XKR4: variants seen among roughly 807,000 people sequenced by gnomAD.
XKR4 encodes the protein XK-related protein 4.
In XKR4, 12 loss-of-function variants were observed where a neutral mutation model predicts 53.9. The observed-to-expected ratio is 0.22, with a 90% CI of 0.14 to 0.36. The LOEUF (loss-of-function observed/expected upper bound fraction) is 0.36, where lower values mean the gene tolerates loss of function less well. Ranked by LOEUF, XKR4 falls within the 10% of genes least tolerant of loss-of-function variation. XKR4 has a pLI of 1.00. For missense variants in XKR4, 799 were observed against 859.5 expected, an observed-to-expected ratio of 0.93 and a Z score of 0.88; for synonymous variants, 354 against 362.4, an observed-to-expected ratio of 0.98 and a Z score of 0.26.
Position 55,338,456 on chromosome 8 carries a change from G to T in XKR4, c.807-19222G>T, listed in dbSNP as rs79184673. 8.8e-3 allele frequency among the ~76,000 whole-genome samples: 1,345 copies of T among 152,296 alleles called. 7 individuals are homozygous for T. Among genetic ancestry groups the T allele is most frequent in the Middle Eastern group, 0.027 (8 of 294 alleles). On this transcript the variant is annotated intron_variant, in intron 1 of 2. Transcript: ENST00000327381. ...ATGGCAAGCTGGTCACCACTGTGGG[G>T]CATGGGAGCTGGACACATGGAGACA...
intron 2 of XKR4, among the ~76,000 whole-genome samples, chr8:55,514,441 G>A (rs1806682577): frequency 6.6e-6 from 1 of 151,988 alleles, no homozygotes; most frequent in African/African-American, 2.4e-5. Context: ...ATTTTTAATA[G>A]AGACGGGGTT....
intron 2 of XKR4, among the ~76,000 whole-genome samples, chr8:55,476,077 A>C (rs1353413703): frequency 6.6e-6 from 1 of 152,052 alleles, no homozygotes; most frequent in Non-Finnish European, 1.5e-5. Context: ...TAGTTCACTT[A>C]GGGTACTTGA....
At chr8:55,368,906 A>G (rs1037438275) in intron 2 of XKR4, among the ~76,000 whole-genome samples, 1 of 152,228 alleles carries the variant, frequency 6.6e-6, no homozygotes, top group Non-Finnish European at 1.5e-5. Context: ...AGGACACAAT[A>G]TAAGTTCCCC....
intron 1 of XKR4, among the ~76,000 whole-genome samples, chr8:55,336,668 A>C (rs1803465796): frequency 6.6e-6 from 1 of 152,176 alleles, no homozygotes; most frequent in South Asian, 2.1e-4. Context: ...TGACAACTAA[A>C]ATAATGCATA....
At chr8:55,461,344 G>A (rs1168809492) in intron 2 of XKR4, among the ~76,000 whole-genome samples, 1 of 152,218 alleles carries the variant, frequency 6.6e-6, no homozygotes, top group Non-Finnish European at 1.5e-5. Context: ...AGCCTTCGCT[G>A]CTGATACCCA....
chr8:55,289,376 G>C (rs376856672), intron 1 of XKR4, among the ~76,000 whole-genome samples: 1 of 151,548 alleles, frequency 6.6e-6, no homozygotes, highest in Non-Finnish European at 1.5e-5. Context: ...TTAGCTGGTC[G>C]TGGTGGTGGG....
intron 1 of XKR4, among the ~76,000 whole-genome samples, chr8:55,155,620 G>C (rs1430042286): frequency 7.3e-6 from 1 of 136,940 alleles, no homozygotes; most frequent in Non-Finnish European, 1.5e-5. Flanking sequence ...AGAACAAAAA[G>C]ATAAAGGCAT....
chr8:55,318,729 A>T (rs1405222972), intron 1 of XKR4, among the ~76,000 whole-genome samples: 1 of 152,214 alleles, frequency 6.6e-6, no homozygotes, highest in East Asian at 1.9e-4. Flanking sequence ...GTGGGAAAAC[A>T]TACACGCAGA....
intron 1 of XKR4, among the ~76,000 whole-genome samples, chr8:55,145,559 T>C (rs891671102): frequency 6.6e-6 from 1 of 152,230 alleles, no homozygotes; most frequent in Non-Finnish European, 1.5e-5. Flanking sequence ...GGCCGATTTA[T>C]ACAAAATGTG....
intron 1 of XKR4, among the ~76,000 whole-genome samples, chr8:55,214,817 G>A (rs985706301): frequency 2.0e-5 from 3 of 152,092 alleles, no homozygotes; most frequent in African/African-American, 7.2e-5. Flanking sequence ...CTTTTTGCTT[G>A]TCTCTGGGAC....
At chr8:55,498,627 T>G (rs57609844) in intron 2 of XKR4, among the ~76,000 whole-genome samples, 8,036 of 152,064 alleles carry the variant, frequency 0.053, 604 homozygotes, top group East Asian at 0.28. Context: ...ACAAAAATTA[T>G]CTGGGGCCAG....
intron 1 of XKR4, chr8:55,272,805 C>A: frequency 2.5e-6 from 1 of 400,892 alleles, no homozygotes; most frequent in South Asian, 1.9e-5. Context: ...TTAATTTATT[C>A]TGTCCTTTAA....
chr8:55,490,017 T>C (rs903967166), intron 2 of XKR4, among the ~76,000 whole-genome samples: 3 of 152,228 alleles, frequency 2.0e-5, no homozygotes, highest in African/African-American at 4.8e-5. Context: ...TAAATAGTTA[T>C]GTTTTACATA....
rs74685477 is a variant in XKR4, at chr8:55,338,544, C to A, written c.807-19134C>A. On this transcript the variant is annotated intron_variant, in intron 1 of 2. Coordinates refer to ENST00000327381, the MANE Select transcript of XKR4 (RefSeq NM_052898.2). ...CCTTCCTGGTCAAGGGGTGCCCCAT[C>A]ACATGTTGACACCCTCTTATTTACA... 5.5e-3 allele frequency among the ~76,000 whole-genome samples: 833 copies of A among 152,334 alleles called. 25 individuals carry two copies. The highest frequency in any genetic ancestry group is 0.032 in the Admixed American group (486 of 15,308).
At chr8:55,207,811 A>T (rs529771435) in intron 1 of XKR4, among the ~76,000 whole-genome samples, 1 of 152,234 alleles carries the variant, frequency 6.6e-6, no homozygotes, top group African/African-American at 2.4e-5. Flanking sequence ...GGGCCATGTG[A>T]TTAAATCTAA....
chr8:55,506,231 C>A (rs1806525287), intron 2 of XKR4, among the ~76,000 whole-genome samples: 1 of 152,190 alleles, frequency 6.6e-6, no homozygotes, highest in Non-Finnish European at 1.5e-5. Context: ...TCTGGGAGGA[C>A]TTAGGACAGT....
In XKR4 at chr8:55,485,394, CT is replaced by C. The variant is rs796528785; in HGVS notation, c.1007-37886del. Among the ~76,000 whole-genome samples, 140 of 152,212 alleles carry C rather than the reference CT, an allele frequency of 9.2e-4. 1 individual carries two copies. The highest frequency in any genetic ancestry group is 3.0e-3 in the African/African-American group (126 of 41,538). On this transcript the variant is annotated intron_variant, in intron 2 of 2. Transcript: ENST00000327381. ...TACAAAAACAAACAAAAAACTAGAA[CT>C]AAAAAGTTCAGCAAGCTCATAGAAT...
Position 55,251,843 on chromosome 8 carries a change from C to T in XKR4, c.807-105835C>T, listed in dbSNP as rs112328432. 8.0e-3 allele frequency among the ~76,000 whole-genome samples: 1,218 copies of T among 152,320 alleles called. 14 individuals are homozygous for T. The highest frequency in any genetic ancestry group is 0.013 in the Non-Finnish European group (898 of 68,022). ...GAAACACTATGCCAACATAATTTAT[C>T]GGTCTCTAAAACAAATACATTAACC... On this transcript the variant is annotated intron_variant, in intron 1 of 2. Coordinates refer to ENST00000327381, the MANE Select transcript of XKR4 (RefSeq NM_052898.2).
chr8:55,383,226 G>T (rs150717442), intron 2 of XKR4, among the ~76,000 whole-genome samples: 99 of 152,216 alleles, frequency 6.5e-4, no homozygotes, highest in African/African-American at 2.3e-3. Flanking sequence ...AAATAACAAT[G>T]AAAAATGAAT....
Sources: allele counts gnomAD v4.1 joint callset (sites outside exome capture counted in the v4.1 genomes callset), GRCh38; gene constraint gnomAD v4.1.1; transcripts MANE v1.5; gene names NCBI Gene and HGNC (gene_info 2026-07-23, HGNC 2026-07-21).